Variants in PHACTR1 observed in about 807,000 individuals in gnomAD.
The protein encoded by PHACTR1 is RPEL repeat containing 1.
PHACTR1 carries 16 observed loss-of-function variants against 69.2 expected under a neutral mutation model. The observed-to-expected ratio is 0.23, with a 90% confidence interval of 0.16 to 0.35. The LOEUF is 0.35. Among genes scored for constraint, PHACTR1 ranks in the 10% least tolerant of loss-of-function variants. The probability of loss-of-function intolerance (pLI) is 1.00; values close to 1 mark genes in which losing one functional copy is unlikely to be tolerated. For missense variants in PHACTR1, 510 were observed against 734.7 expected (o/e 0.69, Z 3.54); for synonymous variants, 312 against 284.5 (o/e 1.10, Z -0.97).
chr6:12,723,350 A>T (rs1404558283), intron 3 of PHACTR1, among the ~76,000 whole-genome samples: 1 of 152,144 alleles, frequency 6.6e-6, no homozygotes, highest in East Asian at 1.9e-4. Context: ...GTAGCATCTC[A>T]GGCCCCACCC....
chr6:12,858,862 A>G (rs1435194730), intron 4 of PHACTR1, among the ~76,000 whole-genome samples: 2 of 152,050 alleles, frequency 1.3e-5, no homozygotes, highest in South Asian at 2.1e-4. Flanking sequence ...AGCTATCAAA[A>G]CATCAACTAT....
chr6:12,781,923 C>T (rs758585335), intron 4 of PHACTR1, among the ~76,000 whole-genome samples: 1 of 152,186 alleles, frequency 6.6e-6, no homozygotes, highest in Non-Finnish European at 1.5e-5. Context: ...CGTGATGTGA[C>T]AAGGATCTCT....
At chr6:13,092,766 G>A (rs1053763346) in intron 5 of PHACTR1, among the ~76,000 whole-genome samples, 1 of 152,210 alleles carries the variant, frequency 6.6e-6, no homozygotes, top group African/African-American at 2.4e-5. Flanking sequence ...GAGTAAAAAA[G>A]CAGAAGGGAA....
intron 9 of PHACTR1, 44 bp from the exon 10 acceptor site, chr6:13,229,993 G>A (rs1770557573): frequency 1.3e-6 from 2 of 1,542,532 alleles, no homozygotes; most frequent in Non-Finnish European, 1.7e-6. Context: ...TGGGAGCCCA[G>A]GCAGATATGT....
At chr6:13,278,124 G>A in intron 11 of PHACTR1, 144 bp from the exon 12 acceptor site, 1 of 686,692 alleles carries the variant, frequency 1.5e-6, no homozygotes, top group Non-Finnish European at 2.4e-6. Flanking sequence ...ATAAGGAGAA[G>A]GGCAGCTGGG....
chr6:12,990,318 C>T (rs181082895), intron 4 of PHACTR1, among the ~76,000 whole-genome samples: 34 of 152,312 alleles, frequency 2.2e-4, no homozygotes, highest in Non-Finnish European at 3.8e-4. Flanking sequence ...CCAAGGAGCT[C>T]GGCACTCCCA....
At position 13,283,668 on chromosome 6, in the gene PHACTR1, C is replaced by A; in HGVS notation, c.1650+106C>A. 6.5e-7 allele frequency: 1 copy of A among 1,544,942 alleles called. No homozygotes were observed. On this transcript the variant is annotated intron_variant, in intron 13 of 14. Coordinates refer to ENST00000332995, the MANE Select transcript of PHACTR1 (RefSeq NM_030948.6). The surrounding 1 kb of genome is among the most constrained non-coding windows in gnomAD (Gnocchi z 4.7). The stretch of plus-strand genomic sequence containing the variant: ...GGGAGACCTGCAGCCAGGCCTCAGC[C>A]GCAGTCCCCATAATGGAGTGTTGAG...
intron 10 of PHACTR1, among the ~76,000 whole-genome samples, chr6:13,256,815 CA>C (rs58956841): frequency 0.15 from 23,091 of 152,138 alleles, 2,315 homozygotes; most frequent in Admixed American, 0.26. Flanking sequence ...ATTTTGGTCA[CA>C]AGCCATTCAA....
intron 5 of PHACTR1, among the ~76,000 whole-genome samples, chr6:13,066,451 A>G (rs1808645756): frequency 6.6e-6 from 1 of 152,200 alleles, no homozygotes; most frequent in Admixed American, 6.5e-5. Flanking sequence ...ATTTGCCATC[A>G]TTCATGATTG....
At position 13,158,172 on chromosome 6, in the gene PHACTR1, G is replaced by A. The variant is rs188967077; in HGVS notation, c.416-2032G>A. On this transcript the variant is annotated intron_variant, in intron 5 of 14. Coordinates refer to ENST00000332995, the MANE Select transcript of PHACTR1 (RefSeq NM_030948.6). ...GCTGGGATTATAGGTGTGAACCCCCGCGCCCGGCTGCTTAGCAGATCTTTT... is the reference window on the plus strand; with the variant it reads ...GCTGGGATTATAGGTGTGAACCCCCACGCCCGGCTGCTTAGCAGATCTTTT... Among the ~76,000 whole-genome samples the A allele has an allele frequency of 4.6e-5, 7 of 152,014 alleles. No individual in the cohort carries two copies. The East Asian group carries it at 7.7e-4, about 17-fold the overall frequency.
At chr6:13,232,140 T>C (rs139763149) in intron 10 of PHACTR1, among the ~76,000 whole-genome samples, 3 of 152,334 alleles carry the variant, frequency 2.0e-5, no homozygotes, top group Non-Finnish European at 4.4e-5. Flanking sequence ...AATAGAAGTA[T>C]TTAAAACAGT....
intron 4 of PHACTR1, among the ~76,000 whole-genome samples, chr6:12,905,942 T>C (rs1785682231): frequency 6.6e-6 from 1 of 152,224 alleles, no homozygotes; most frequent in Admixed American, 6.5e-5. Context: ...CTTTTAGTAT[T>C]GCTTCTAACT....
At chr6:13,094,452 G>T (rs1199848163) in intron 5 of PHACTR1, among the ~76,000 whole-genome samples, 2 of 151,884 alleles carry the variant, frequency 1.3e-5, no homozygotes, top group Non-Finnish European at 2.9e-5. Flanking sequence ...CTGCCACCAT[G>T]CCTGGCTAAT....
At chr6:13,106,494 T>A (rs570942716) in intron 5 of PHACTR1, among the ~76,000 whole-genome samples, 1 of 152,270 alleles carries the variant, frequency 6.6e-6, no homozygotes, top group East Asian at 1.9e-4. Flanking sequence ...TTTTATTTCT[T>A]AAAAAACAAG....
chr6:13,093,076 C>T (rs1012076902), intron 5 of PHACTR1, among the ~76,000 whole-genome samples: 4 of 152,088 alleles, frequency 2.6e-5, no homozygotes, highest in Non-Finnish European at 5.9e-5. Flanking sequence ...CAGGGTCAGT[C>T]CAAGCGTGAT....
chr6:12,753,155 T>A (rs1376664842), intron 4 of PHACTR1, among the ~76,000 whole-genome samples: 1 of 152,232 alleles, frequency 6.6e-6, no homozygotes, highest in Non-Finnish European at 1.5e-5. Context: ...ACACTATTAG[T>A]AGCAAGTGTT....
rs1255974934 is a variant in PHACTR1 at position 13,286,163 on chromosome 6, G to A, written c.1668G>A (p.Glu556=). 1 of 1,607,552 alleles carries A rather than the reference G, an allele frequency of 6.2e-7. No individual in the cohort carries two copies. Among genetic ancestry groups the A allele is most frequent in the Non-Finnish European group, 8.5e-7 (1 of 1,177,230 alleles). The change falls in exon 14 of 15, where the codon GAG becomes GAA. Residue 556 remains glutamate (E), a synonymous_variant. Transcript: ENST00000332995. Reference sequence around the variant, plus strand: ...GATTCCAGGCTGCCATCCGAAAGGAGCTCAATGAATTCAAAAGCACTGAGA... The same window carrying A: ...GATTCCAGGCTGCCATCCGAAAGGAACTCAATGAATTCAAAAGCACTGAGA... ...TAADKAAIRK[E]LNEFKSTEME... is the part of the protein sequence containing the mutation.
chr6:12,726,911 C>T (rs1260329317), intron 3 of PHACTR1, among the ~76,000 whole-genome samples: 1 of 152,172 alleles, frequency 6.6e-6, no homozygotes, highest in African/African-American at 2.4e-5. Context: ...GATATGTAAT[C>T]ATACTGTTTT....
intron 4 of PHACTR1, among the ~76,000 whole-genome samples, chr6:13,022,325 T>A (rs1453967821): frequency 1.3e-5 from 2 of 152,188 alleles, no homozygotes; most frequent in African/African-American, 2.4e-5. Context: ...TAAAATGAAT[T>A]TACTTCCATT....
Sources: gnomAD v4.1 joint callset for allele counts (sites outside exome capture counted in the v4.1 genomes callset) on GRCh38, gnomAD v4.1.1 for gene constraint, Gnocchi (gnomAD v3.1) non-coding constraint, MANE v1.5 for transcripts, NCBI Gene and HGNC (gene_info 2026-07-23, HGNC 2026-07-21) for gene names.